Variants in DLG2 observed in about 807,000 individuals in gnomAD.
DLG2 encodes disks large homolog 2.
In DLG2, 45 loss-of-function variants were observed where a neutral mutation model predicts 132.5. That is an observed-to-expected ratio of 0.34 (90% CI 0.27 to 0.44). The LOEUF (loss-of-function observed/expected upper bound fraction) is 0.44, where lower values mean the gene tolerates loss of function less well. DLG2 is among the 20% of genes least tolerant of loss of function. The pLI, the probability that DLG2 is intolerant of heterozygous loss-of-function variation, is 1.00. For synonymous variants in DLG2, 424 were observed against 419.6 expected (o/e 1.01, Z -0.13); for missense variants, 1,045 against 1,196.9 (o/e 0.87, Z 1.87).
intron 4 of DLG2, among the ~76,000 whole-genome samples, chr11:85,195,195 T>C (rs776762635): frequency 9.9e-5 from 15 of 152,284 alleles, no homozygotes; most frequent in Middle Eastern, 3.4e-3. Flanking sequence ...TGAGAGGCTA[T>C]TGTAATCAGT....
At chr11:83,925,306 A>C (rs1251513679) in intron 15 of DLG2, among the ~76,000 whole-genome samples, 1 of 152,122 alleles carries the variant, frequency 6.6e-6, no homozygotes, top group Non-Finnish European at 1.5e-5. Flanking sequence ...GTTGCTTCTC[A>C]AACTGCTCAG....
At chr11:85,179,959 G>A (rs1201452569) in intron 4 of DLG2, among the ~76,000 whole-genome samples, 1 of 151,924 alleles carries the variant, frequency 6.6e-6, no homozygotes, top group South Asian at 2.1e-4. Context: ...ATTGTCCAAG[G>A]ACACACAGCT....
chr11:84,220,293 C>T (rs2096895222), intron 8 of DLG2, among the ~76,000 whole-genome samples: 1 of 152,196 alleles, frequency 6.6e-6, no homozygotes, highest in Admixed American at 6.5e-5. Context: ...GATTTATGTA[C>T]TCCTCTCACA....
At chr11:84,969,074 CAAAA>C (rs375526999) in intron 6 of DLG2, among the ~76,000 whole-genome samples, 2 of 111,728 alleles carry the variant, frequency 1.8e-5, no homozygotes, top group Non-Finnish European at 3.8e-5. Flanking sequence ...TCTTCACTTG[CAAAA>C]AAAAAAAAAA....
chr11:83,933,435 C>G (rs988314019), intron 14 of DLG2, among the ~76,000 whole-genome samples: 11 of 152,172 alleles, frequency 7.2e-5, no homozygotes, highest in Non-Finnish European at 1.5e-5. Context: ...TTATAAAGAG[C>G]CATAGATAAT....
chr11:85,499,048 C>T (rs1243229194), intron 3 of DLG2, among the ~76,000 whole-genome samples: 1 of 151,566 alleles, frequency 6.6e-6, no homozygotes, highest in Non-Finnish European at 1.5e-5. Context: ...ACTAGAGAAG[C>T]AAGAGCAAAC....
At chr11:84,751,789 T>C (rs2066148657) in intron 6 of DLG2, among the ~76,000 whole-genome samples, 1 of 152,170 alleles carries the variant, frequency 6.6e-6, no homozygotes, top group Non-Finnish European at 1.5e-5. Context: ...AATCTTATGT[T>C]TTAAAGTTGC....
rs181769191 is a variant in DLG2 at position 83,779,834 on chromosome 11, A to G, written c.1825+6856T>C. ...CTAGGTCGTGCATTCATTTCTCCTT[A>G]TGTATTAAAAATGCAAAGAAAAGAT... On this transcript the variant is annotated intron_variant, in intron 18 of 27. Transcript: ENST00000376104. 1.2e-3 allele frequency among the ~76,000 whole-genome samples: 179 copies of G among 152,330 alleles called. 1 individual carries two copies. The highest frequency in any genetic ancestry group is 4.1e-3 in the African/African-American group (170 of 41,578).
chr11:85,476,164 G>A (rs992555369), intron 3 of DLG2, among the ~76,000 whole-genome samples: 1 of 152,102 alleles, frequency 6.6e-6, no homozygotes, highest in Non-Finnish European at 1.5e-5. Flanking sequence ...GCATGTTGCT[G>A]TACTGAATAC....
intron 3 of DLG2, among the ~76,000 whole-genome samples, chr11:85,521,183 G>T (rs1046896472): frequency 2.0e-5 from 3 of 152,176 alleles, no homozygotes; most frequent in Non-Finnish European, 4.4e-5. Flanking sequence ...CCATGTGTTG[G>T]GTGAGGGACC....
intron 15 of DLG2, among the ~76,000 whole-genome samples, chr11:83,901,097 C>T (rs558657403): frequency 2.0e-5 from 3 of 152,248 alleles, no homozygotes; most frequent in South Asian, 4.1e-4. Flanking sequence ...TTTGTTTTGG[C>T]CAATGTCTCT....
chr11:84,061,105 T>C (rs1184242692), intron 10 of DLG2, among the ~76,000 whole-genome samples: 1 of 152,180 alleles, frequency 6.6e-6, no homozygotes, highest in African/African-American at 2.4e-5. Flanking sequence ...CCTTAGCAAA[T>C]ATTTGTTGAA....
At chr11:83,487,111 T>C (rs1034578030) in intron 21 of DLG2, among the ~76,000 whole-genome samples, 1 of 152,096 alleles carries the variant, frequency 6.6e-6, no homozygotes, top group Non-Finnish European at 1.5e-5. Flanking sequence ...TACAGCCCTA[T>C]TCTCAATTAT....
intron 7 of DLG2, among the ~76,000 whole-genome samples, chr11:84,270,296 C>G (rs1164056210): frequency 6.6e-6 from 1 of 152,182 alleles, no homozygotes; most frequent in Non-Finnish European, 1.5e-5. Context: ...AAGAAAAGTT[C>G]TGTGTTGCTG....
At chr11:85,370,679 A>T (rs2084907192) in intron 3 of DLG2, among the ~76,000 whole-genome samples, 1 of 152,192 alleles carries the variant, frequency 6.6e-6, no homozygotes, top group South Asian at 2.1e-4. Flanking sequence ...TCAAACATTT[A>T]ACAGCCTTCC....
chr11:85,035,559 C>G (rs1420823856), intron 6 of DLG2, among the ~76,000 whole-genome samples: 1 of 152,118 alleles, frequency 6.6e-6, no homozygotes, highest in Non-Finnish European at 1.5e-5. Context: ...CATGAAACCA[C>G]CCCCATGATC....
intron 15 of DLG2, among the ~76,000 whole-genome samples, chr11:83,901,004 CAT>C (rs1416640481): frequency 6.6e-6 from 1 of 152,204 alleles, no homozygotes; most frequent in Non-Finnish European, 1.5e-5. Context: ...GGATGTGAGA[CAT>C]GGAGTCAAAG....
At chr11:83,936,504 A>G (rs73508286) in intron 14 of DLG2, among the ~76,000 whole-genome samples, 3,121 of 152,312 alleles carry the variant, frequency 0.02, 99 homozygotes, top group African/African-American at 0.071. Flanking sequence ...AATAGTTTAG[A>G]TACCACAGTC....
intron 21 of DLG2, among the ~76,000 whole-genome samples, chr11:83,489,842 C>T (rs952692835): frequency 2.6e-5 from 4 of 151,960 alleles, no homozygotes; most frequent in Admixed American, 2.0e-4. Flanking sequence ...TGAGTAAACA[C>T]ATGGATGTTG....
Sources: gnomAD v4.1 joint callset for allele counts (sites outside exome capture counted in the v4.1 genomes callset) on GRCh38, gnomAD v4.1.1 for gene constraint, MANE v1.5 for transcripts, NCBI Gene and HGNC (gene_info 2026-07-23, HGNC 2026-07-21) for gene names.